RIMS2: variants seen among roughly 807,000 people sequenced by gnomAD.
The protein encoded by RIMS2 is regulating synaptic membrane exocytosis protein 2.
Under a neutral mutation model 174.4 loss-of-function variants are expected in RIMS2, and 59 were observed. That is an observed-to-expected ratio of 0.34 (90% CI 0.27 to 0.42). The LOEUF (loss-of-function observed/expected upper bound fraction) is 0.42, where lower values mean the gene tolerates loss of function less well. Among genes scored for constraint, RIMS2 ranks in the 10% least tolerant of loss-of-function variants. RIMS2 has a pLI of 1.00. For missense variants in RIMS2, 1,620 were observed against 1,666.3 expected, an observed-to-expected ratio of 0.97 and a Z score of 0.48; for synonymous variants, 606 against 572.5, an observed-to-expected ratio of 1.06 and a Z score of -0.84.
intron 1 of RIMS2, among the ~76,000 whole-genome samples, chr8:103,639,803 AC>A (rs1272148759): frequency 6.6e-6 from 1 of 151,926 alleles, no homozygotes; most frequent in African/African-American, 2.4e-5. Context: ...TTGACTACAT[AC>A]CTAGAAAGTG....
intron 19 of RIMS2, among the ~76,000 whole-genome samples, chr8:104,047,728 T>C (rs558766790): frequency 9.2e-5 from 14 of 152,286 alleles, no homozygotes; most frequent in Admixed American, 9.2e-4. Flanking sequence ...TAGAATTAAT[T>C]CTTTGTTATA....
At chr8:104,094,555 A>G (rs1566339485) in intron 19 of RIMS2, 1 of 702,142 alleles carries the variant, frequency 1.4e-6, no homozygotes, top group Non-Finnish European at 2.6e-6. Flanking sequence ...GAGGTAAAGG[A>G]AGAAAGAATT....
intron 14 of RIMS2, among the ~76,000 whole-genome samples, chr8:103,943,446 TCA>T (rs1373913392): frequency 2.6e-5 from 4 of 152,172 alleles, no homozygotes; most frequent in African/African-American, 9.7e-5. Context: ...TCTCTATGCC[TCA>T]CTTTCTTTGT....
chr8:103,570,235 C>G (rs1273888923), intron 1 of RIMS2, among the ~76,000 whole-genome samples: 1 of 152,122 alleles, frequency 6.6e-6, no homozygotes, highest in Non-Finnish European at 1.5e-5. Flanking sequence ...CTCATCTAAA[C>G]TCTTAGATTG....
chr8:103,949,845 G>A (rs937287742), intron 14 of RIMS2, among the ~76,000 whole-genome samples: 4 of 152,142 alleles, frequency 2.6e-5, no homozygotes, highest in Middle Eastern at 3.4e-3. Flanking sequence ...TCGAACCAAA[G>A]GTTGGATCTA....
chr8:104,008,931 C>T (rs543787227), intron 17 of RIMS2, among the ~76,000 whole-genome samples: 14 of 152,004 alleles, frequency 9.2e-5, no homozygotes, highest in Non-Finnish European at 1.5e-4. Context: ...ATATAATATT[C>T]GTATTCGTGC....
At chr8:104,193,568 G>A (rs923725514) in intron 19 of RIMS2, among the ~76,000 whole-genome samples, 10 of 152,176 alleles carry the variant, frequency 6.6e-5, no homozygotes, top group African/African-American at 1.9e-4. Flanking sequence ...CCTTCCTACC[G>A]GCAGTGCATC....
At chr8:103,938,585 T>C (rs1289267218) in intron 13 of RIMS2, among the ~76,000 whole-genome samples, 2 of 152,140 alleles carry the variant, frequency 1.3e-5, no homozygotes, top group African/African-American at 4.8e-5. Context: ...CCAAATCTCA[T>C]GTCGTCACAT....
chr8:103,856,788 A>T (rs916153527), intron 3 of RIMS2, among the ~76,000 whole-genome samples: 1 of 151,986 alleles, frequency 6.6e-6, no homozygotes, highest in African/African-American at 2.4e-5. Flanking sequence ...AATAGTATAG[A>T]TAACTCAGTT....
At chr8:103,675,547 C>CA (rs1466110949) in intron 1 of RIMS2, among the ~76,000 whole-genome samples, 1 of 152,102 alleles carries the variant, frequency 6.6e-6, no homozygotes, top group Non-Finnish European at 1.5e-5. Flanking sequence ...GAAACATAAA[C>CA]ATAAGTTCAC....
intron 1 of RIMS2, among the ~76,000 whole-genome samples, chr8:103,623,796 T>G (rs200583506): frequency 0.18 from 26,616 of 148,286 alleles, 2,542 homozygotes; most frequent in African/African-American, 0.24. Flanking sequence ...GTCTCTTCAT[T>G]TTTTTTTTTT....
intron 19 of RIMS2, among the ~76,000 whole-genome samples, chr8:104,226,386 G>A (rs1008852176): frequency 1.5e-4 from 23 of 152,078 alleles, no homozygotes; most frequent in South Asian, 2.1e-4. Flanking sequence ...CTTGTACAGC[G>A]TGTTGAGTTT....
chr8:104,006,088 A>G (rs1596969200), intron 17 of RIMS2, among the ~76,000 whole-genome samples: 1 of 152,080 alleles, frequency 6.6e-6, no homozygotes, highest in African/African-American at 2.4e-5. Context: ...TCCTCTTACA[A>G]CTGTTTTGTT....
intron 1 of RIMS2, among the ~76,000 whole-genome samples, chr8:103,547,562 G>T (rs932498407): frequency 2.0e-5 from 3 of 152,136 alleles, no homozygotes; most frequent in Non-Finnish European, 4.4e-5. Context: ...ACATTGGAAA[G>T]ATTTTAAATT....
chr8:103,701,969 A>T (rs922188399), intron 2 of RIMS2, among the ~76,000 whole-genome samples: 4 of 152,046 alleles, frequency 2.6e-5, no homozygotes, highest in African/African-American at 9.7e-5. Context: ...TTGTTGGATC[A>T]TATGGTGGTT....
intron 19 of RIMS2, among the ~76,000 whole-genome samples, chr8:104,147,476 T>C (rs1375318067): frequency 6.7e-6 from 1 of 149,622 alleles, no homozygotes; most frequent in Non-Finnish European, 1.5e-5. Flanking sequence ...TAGAAAACAC[T>C]TTTTTTTTTC....
At chr8:104,236,312 T>C (rs2099258345) in intron 19 of RIMS2, among the ~76,000 whole-genome samples, 1 of 152,028 alleles carries the variant, frequency 6.6e-6, no homozygotes, top group African/African-American at 2.4e-5. Context: ...TACTAAGCAA[T>C]TTCTGGAGTA....
At chr8:103,788,855 C>A (rs1158824098) in intron 3 of RIMS2, among the ~76,000 whole-genome samples, 3 of 151,254 alleles carry the variant, frequency 2.0e-5, no homozygotes, top group African/African-American at 4.8e-5. Context: ...CAATGGCGGG[C>A]GCCCCTCCCC....
chr8:103,955,018 T>G (rs1188552999), intron 14 of RIMS2, among the ~76,000 whole-genome samples: 4 of 152,182 alleles, frequency 2.6e-5, no homozygotes. Flanking sequence ...GATAAATTCC[T>G]GGGCACATAC....
Sources: allele counts gnomAD v4.1 joint callset (sites outside exome capture counted in the v4.1 genomes callset), GRCh38; gene constraint gnomAD v4.1.1; transcripts MANE v1.5; gene names NCBI Gene and HGNC (gene_info 2026-07-23, HGNC 2026-07-21).